The following MCF2L variants were observed in gnomAD, a reference collection of about 807,000 sequenced individuals.
The protein encoded by MCF2L is MCF.2 cell line derived transforming sequence like, also known as guanine nucleotide exchange factor DBS.
A neutral mutation model predicts 153.4 loss-of-function variants in MCF2L; 97 were observed. The observed-to-expected ratio is 0.63, with a 90% CI of 0.54 to 0.75. The LOEUF (loss-of-function observed/expected upper bound fraction) is 0.75, where lower values mean the gene tolerates loss of function less well. Ranked by LOEUF, MCF2L falls within the 30% of genes least tolerant of loss-of-function variation. The pLI, the probability that MCF2L is intolerant of heterozygous loss-of-function variation, is 0.00. For missense variants in MCF2L, 1,347 were observed against 1,495.2 expected (o/e 0.90, Z 1.64); for synonymous variants, 659 against 632.2 (o/e 1.04, Z -0.64).
At chr13:112,899,055 C>T (rs1009382714) in intron 1 of MCF2L, among the ~76,000 whole-genome samples, 7 of 152,236 alleles carry the variant, frequency 4.6e-5, no homozygotes, top group South Asian at 2.1e-4. Context: ...CCCTGGGATC[C>T]GAGCTCCTCG....
intron 12 of MCF2L, among the ~76,000 whole-genome samples, chr13:113,076,851 C>A (rs1384026161): frequency 6.6e-6 from 1 of 152,256 alleles, no homozygotes; most frequent in Non-Finnish European, 1.5e-5. Context: ...GAGGCCGGGG[C>A]CCCGTCCCGT....
At chr13:113,066,258 C>T in intron 8 of MCF2L, 88 bp downstream of exon 8, 1 of 1,440,644 alleles carries the variant, frequency 6.9e-7, no homozygotes, top group Admixed American at 2.3e-5. Context: ...AAGAAACAGG[C>T]CACGGAAATA....
chr13:112,934,235 GC>G (rs1464200890), intron 2 of MCF2L, among the ~76,000 whole-genome samples: 4 of 152,192 alleles, frequency 2.6e-5, no homozygotes, highest in African/African-American at 9.6e-5. Context: ...GCCCCTGAGG[GC>G]CCCAGCAGCC....
At chr13:112,902,467 G>A in intron 2 of MCF2L, 5 of 1,303,562 alleles carry the variant, frequency 3.8e-6, no homozygotes, top group Non-Finnish European at 4.1e-6. Context: ...TTTAGAGATT[G>A]ACAAGGTTTA....
rs1168036632 is a variant in MCF2L at position 113,096,499 on chromosome 13, C to T, written c.3188+16C>T. On this transcript the variant is annotated intron_variant, in intron 28 of 29. Transcript: ENST00000535094. ...AGGGCCTCTGGTAAGACCCCGCGCT[C>T]AGCCCCGGACTGCCCCGCACGTGGC... 1 of 1,581,998 alleles carries T rather than the reference C, an allele frequency of 6.3e-7. No individual in the cohort carries two copies. Among genetic ancestry groups the T allele is most frequent in the South Asian group, 1.2e-5 (1 of 86,586 alleles).
At chr13:113,024,614 G>T in intron 2 of MCF2L, 30 bp from the exon 3 acceptor site, 4 of 1,521,162 alleles carry the variant, frequency 2.6e-6, no homozygotes, top group Non-Finnish European at 3.6e-6. Flanking sequence ...GGAGCCCTCG[G>T]CTAAGGGTCT....
chr13:113,040,007 T>C (rs1453014245), intron 3 of MCF2L, among the ~76,000 whole-genome samples: 3 of 152,330 alleles, frequency 2.0e-5, no homozygotes, highest in Admixed American at 6.5e-5. Context: ...AAGAGTAGAA[T>C]TTATTAATAA....
chr13:112,962,991 G>A (rs35086993), intron 2 of MCF2L, among the ~76,000 whole-genome samples: 99,049 of 151,820 alleles, frequency 0.65, 32,591 homozygotes, highest in Non-Finnish European at 0.71. Flanking sequence ...CAGCTAAAAG[G>A]TGTTTGAAGG....
In MCF2L at chr13:113,075,082, C is replaced by T; in HGVS notation, c.1201C>T (p.Pro401Ser). ...NKHYAVDSIR[P>S]KCQELRHLCD... ...GCACTACGCGGTAGACTCCATCCGC[C>T]CAAAGTGCCAGGAGCTCCGGCACCT... The change falls in exon 11 of 30, where the codon CCA becomes TCA. Residue 401 changes from proline to serine, a missense_variant. Pro to Ser is a moderately conservative substitution (Grantham distance 74). Around this residue, in one of 3 missense-constraint regions of MCF2L, gnomAD observed 820 missense variants for 921.2 expected, o/e 0.89. Coordinates refer to ENST00000535094, the MANE Select transcript of MCF2L (RefSeq NM_001112732.3). 1 of 1,613,814 alleles carries T rather than the reference C, an allele frequency of 6.2e-7. No homozygotes were observed. Among genetic ancestry groups the T allele is most frequent in the South Asian group, 1.1e-5 (1 of 91,070 alleles).
Position 113,070,406 on chromosome 13 carries a change from T to C in MCF2L, c.996+233T>C, listed in dbSNP as rs1594923326. On this transcript the variant is annotated intron_variant, in intron 9 of 29. Coordinates refer to ENST00000535094, the MANE Select transcript of MCF2L (RefSeq NM_001112732.3). This position sits in a 1 kb window ranked among gnomAD's most constrained non-coding sequence, Gnocchi z 5.6. ...GAAAGGTGATTGAAAATCAGCTCAC[T>C]GGGATGCACTTACACTGCATTATTC... The C allele has an allele frequency of 3.9e-5, 14 of 356,974 alleles. 1 individual carries two copies. The South Asian group carries it at 5.5e-4, about 14-fold the overall frequency. 22.1% of individuals were successfully genotyped at this position (356,974 alleles called of 1,614,324 possible). A position where few individuals can be genotyped will look rare whatever the true frequency, so the allele number is the denominator to read the frequency against.
At chr13:113,081,112 G>A in intron 15 of MCF2L, 101 bp from the exon 16 acceptor site, 1 of 995,594 alleles carries the variant, frequency 1.0e-6, no homozygotes. Context: ...CCTCCTGCTG[G>A]GCAGGCCATC....
At chr13:112,945,829 C>T (rs1469590966) in intron 2 of MCF2L, among the ~76,000 whole-genome samples, 2 of 152,194 alleles carry the variant, frequency 1.3e-5, no homozygotes, top group Non-Finnish European at 2.9e-5. Context: ...CATAGATGTA[C>T]AAAAGTAACA....
intron 4 of MCF2L, among the ~76,000 whole-genome samples, chr13:113,047,502 C>A (rs2086889193): frequency 6.6e-6 from 1 of 152,268 alleles, no homozygotes; most frequent in Admixed American, 6.5e-5. Context: ...GCGGGTCCCA[C>A]AATGCTCCCA....
At chr13:113,015,594 G>A (rs987169086) in intron 2 of MCF2L, among the ~76,000 whole-genome samples, 7 of 152,298 alleles carry the variant, frequency 4.6e-5, no homozygotes, top group Admixed American at 2.6e-4. Flanking sequence ...TGGCTGGCAC[G>A]GTGGGGCCTC....
chr13:113,082,391 C>G, intron 16 of MCF2L, 36 bp from the exon 17 acceptor site: 1 of 1,366,426 alleles, frequency 7.3e-7, no homozygotes. Context: ...AGCATCAGGC[C>G]CAGGACCCCC....
At chr13:113,016,840 C>G (rs1338699400) in intron 2 of MCF2L, among the ~76,000 whole-genome samples, 2 of 152,230 alleles carry the variant, frequency 1.3e-5, no homozygotes, top group African/African-American at 4.8e-5. Flanking sequence ...TGCTCCGCCC[C>G]CTTCGTTACA....
intron 2 of MCF2L, among the ~76,000 whole-genome samples, chr13:112,911,485 C>G (rs771133396): frequency 1.7e-4 from 26 of 152,250 alleles, no homozygotes; most frequent in Non-Finnish European, 2.6e-4. Context: ...CCGTGATCCC[C>G]GGATCCTGCC....
chr13:112,998,021 C>T (rs1356640394), intron 1 of MCF2L, among the ~76,000 whole-genome samples: 4 of 152,220 alleles, frequency 2.6e-5, no homozygotes, highest in African/African-American at 4.8e-5. Flanking sequence ...CCCATGTGTG[C>T]GGGGCCTTTG....
At chr13:113,078,140 T>C (rs914321734) in intron 13 of MCF2L, among the ~76,000 whole-genome samples, 9 of 130,844 alleles carry the variant, frequency 6.9e-5, no homozygotes, top group Admixed American at 1.5e-4. Flanking sequence ...ACCTGTGGCC[T>C]CAGAGGCCAA....
Sources: gnomAD v4.1 joint callset for allele counts (sites outside exome capture counted in the v4.1 genomes callset) on GRCh38, gnomAD v4.1.1 for gene constraint, gnomAD v4.1.1 regional missense constraint, Gnocchi (gnomAD v3.1) non-coding constraint, MANE v1.5 for transcripts, NCBI Gene and HGNC (gene_info 2026-07-23, HGNC 2026-07-21) for gene names.